The following DLGAP2 variants were observed in gnomAD, a reference collection of about 807,000 sequenced individuals.
DLGAP2 encodes the protein disks large-associated protein 2.
A neutral mutation model predicts 100.3 loss-of-function variants in DLGAP2; 26 were observed. That is an observed-to-expected ratio of 0.26 (90% CI 0.19 to 0.36). DLGAP2 has a LOEUF of 0.36. DLGAP2 is among the 10% of genes least tolerant of loss of function. DLGAP2 has a pLI of 1.00. For synonymous variants in DLGAP2, 886 were observed against 630.1 expected (o/e 1.41, Z -6.08); for missense variants, 1,858 against 1,453.2 (o/e 1.28, Z -4.53).
intron 6 of DLGAP2, among the ~76,000 whole-genome samples, chr8:1,608,866 G>A (rs1431124432): frequency 1.3e-5 from 2 of 150,966 alleles, no homozygotes; most frequent in African/African-American, 4.8e-5. Context: ...AATGAGCAAA[G>A]CCTCCAAGAA....
At chr8:1,544,637 G>A (rs1801470775) in intron 4 of DLGAP2, among the ~76,000 whole-genome samples, 1 of 151,926 alleles carries the variant, frequency 6.6e-6, no homozygotes, top group African/African-American at 2.4e-5. Context: ...ATTTTCCTAT[G>A]TTGAACCACC....
intron 2 of DLGAP2, among the ~76,000 whole-genome samples, chr8:1,093,702 C>G (rs896658037): frequency 6.6e-6 from 1 of 152,236 alleles, no homozygotes; most frequent in African/African-American, 2.4e-5. Flanking sequence ...CAACTTCACA[C>G]CAACAGCCAG....
intron 8 of DLGAP2, among the ~76,000 whole-genome samples, chr8:1,661,271 G>A (rs977057944): frequency 3.3e-5 from 5 of 152,190 alleles, no homozygotes; most frequent in Non-Finnish European, 5.9e-5. Flanking sequence ...GGTGGTGGGG[G>A]CTGCAGACCT....
chr8:1,480,513 A>G (rs1045378326), intron 3 of DLGAP2, among the ~76,000 whole-genome samples: 1 of 152,206 alleles, frequency 6.6e-6, no homozygotes, highest in African/African-American at 2.4e-5. Flanking sequence ...GGCCTAGTCC[A>G]TCACTCATCA....
intron 1 of DLGAP2, chr8:891,129 A>ACCT (rs1798025648): frequency 8.3e-6 from 1 of 120,130 alleles, no homozygotes; most frequent in African/African-American, 3.1e-5. Flanking sequence ...TAAATAAGGC[A>ACCT]CCCCCCCCCC....
chr8:1,162,831 C>T (rs1245869426), intron 2 of DLGAP2, among the ~76,000 whole-genome samples: 3 of 152,190 alleles, frequency 2.0e-5, no homozygotes, highest in Admixed American at 2.0e-4. Flanking sequence ...GGGAGGTCCC[C>T]TGGGTGCTGC....
chr8:873,707 C>T (rs1383822182), intron 1 of DLGAP2, among the ~76,000 whole-genome samples: 1 of 152,024 alleles, frequency 6.6e-6, no homozygotes, highest in East Asian at 1.9e-4. Context: ...TAGGAAGTAC[C>T]TGCTTTTTTT....
Position 1,585,930 on chromosome 8 carries a change from G to A in DLGAP2, c.1442+20036G>A, listed in dbSNP as rs191702912. Among the ~76,000 whole-genome samples, 23 of 152,308 alleles carry A rather than the reference G, an allele frequency of 1.5e-4. No homozygotes were observed. The South Asian group carries it at 2.3e-3, about 15-fold the overall frequency. ...GACTTTATCCTGTCCGGACACTTTC[G>A]TGTGTGTATAAAAATATACACATAT... is the stretch of plus-strand genomic sequence containing the variant. On this transcript the variant is annotated intron_variant, in intron 6 of 14. Coordinates refer to ENST00000637795, the MANE Select transcript of DLGAP2 (RefSeq NM_001346810.2).
At chr8:1,164,012 A>ACGAGACG (rs1306771692) in intron 2 of DLGAP2, among the ~76,000 whole-genome samples, 1 of 152,142 alleles carries the variant, frequency 6.6e-6, no homozygotes, top group Non-Finnish European at 1.5e-5. Flanking sequence ...TTTTTCTTAG[A>ACGAGACG]CGAGACGCTT....
chr8:1,689,715 C>T (rs1799208217), intron 12 of DLGAP2, among the ~76,000 whole-genome samples: 1 of 152,150 alleles, frequency 6.6e-6, no homozygotes, highest in African/African-American at 2.4e-5. Flanking sequence ...TCAGGAAAGA[C>T]GGCCCCACCT....
chr8:1,475,268 C>T (rs1798900305), intron 3 of DLGAP2, among the ~76,000 whole-genome samples: 1 of 152,078 alleles, frequency 6.6e-6, no homozygotes, highest in Non-Finnish European at 1.5e-5. Flanking sequence ...ATCACACAAT[C>T]AACCTACATA....
At chr8:1,201,931 G>A (rs902088175) in intron 2 of DLGAP2, among the ~76,000 whole-genome samples, 56 of 150,844 alleles carry the variant, frequency 3.7e-4, no homozygotes, top group African/African-American at 1.4e-3. Context: ...ATCTAGCTCT[G>A]TGTGTGATGT....
At chr8:912,778 G>A (rs2128999916) in intron 2 of DLGAP2, among the ~76,000 whole-genome samples, 1 of 147,166 alleles carries the variant, frequency 6.8e-6, no homozygotes, top group Non-Finnish European at 1.5e-5. Context: ...CCTGCGCTAT[G>A]GTGCCCACGT....
chr8:1,369,758 C>A (rs2129699401), intron 3 of DLGAP2: 1 of 152,416 alleles, frequency 6.6e-6, no homozygotes, highest in South Asian at 2.1e-4. Flanking sequence ...ACTCTTTTAA[C>A]ATTTTGCATC....
At chr8:1,338,584 A>C (rs1388800074) in intron 3 of DLGAP2, among the ~76,000 whole-genome samples, 3 of 152,258 alleles carry the variant, frequency 2.0e-5, no homozygotes, top group African/African-American at 7.2e-5. Flanking sequence ...TTGTGAATAT[A>C]TAAAACCACC....
chr8:1,028,881 G>A (rs983762598), intron 2 of DLGAP2, among the ~76,000 whole-genome samples: 2 of 152,210 alleles, frequency 1.3e-5, no homozygotes, highest in East Asian at 3.9e-4. Context: ...GACAATGGCG[G>A]GATGTGGAGG....
intron 2 of DLGAP2, among the ~76,000 whole-genome samples, chr8:951,453 G>T (rs557306002): frequency 4.5e-4 from 69 of 152,310 alleles, no homozygotes; most frequent in African/African-American, 1.5e-3. Flanking sequence ...GTTTTGCCAT[G>T]TTGGCCAGGT....
intron 2 of DLGAP2, among the ~76,000 whole-genome samples, chr8:1,054,964 A>C (rs1368149416): frequency 1.3e-5 from 2 of 152,260 alleles, no homozygotes; most frequent in Admixed American, 6.5e-5. Context: ...GTTTTTCCTC[A>C]TGAAGCAATA....
At chr8:1,628,664 G>A (rs1585012291) in intron 7 of DLGAP2, among the ~76,000 whole-genome samples, 1 of 145,642 alleles carries the variant, frequency 6.9e-6, no homozygotes, top group Admixed American at 6.8e-5. Context: ...CTGTGGAGCA[G>A]GAATTAAGAG....
Sources: gnomAD v4.1 joint callset for allele counts (sites outside exome capture counted in the v4.1 genomes callset) on GRCh38, gnomAD v4.1.1 for gene constraint, MANE v1.5 for transcripts, NCBI Gene and HGNC (gene_info 2026-07-23, HGNC 2026-07-21) for gene names.